RASD2: variants seen among roughly 807,000 people sequenced by gnomAD.
RASD2 encodes the protein RASD family member 2.
A neutral mutation model predicts 15.8 loss-of-function variants in RASD2; 7 were observed. The observed-to-expected ratio is 0.44, with a 90% CI of 0.25 to 0.83. The LOEUF is 0.83. Ranked by LOEUF, RASD2 falls within the 40% of genes least tolerant of loss-of-function variation. The probability of loss-of-function intolerance (pLI) is 0.20; values close to 1 mark genes in which losing one functional copy is unlikely to be tolerated. For synonymous variants in RASD2, 155 were observed against 153.6 expected (o/e 1.01, Z -0.07); for missense variants, 274 against 382.8 (o/e 0.72, Z 2.37).
chr22:35,548,776 T>G (rs1250556430), intron 2 of RASD2, among the ~76,000 whole-genome samples: 1 of 152,246 alleles, frequency 6.6e-6, no homozygotes, highest in Admixed American at 6.5e-5. Context: ...GAATCCTTGC[T>G]GGGCCTCTTG....
In RASD2 at chr22:35,551,418, C is replaced by G; in HGVS notation, c.272-85C>G. The G allele has an allele frequency of 7.0e-7, 1 of 1,423,374 alleles. No individual in the cohort carries two copies. 88.2% of individuals were successfully genotyped at this position (1,423,374 alleles called of 1,614,324 possible). A position where few individuals can be genotyped will look rare whatever the true frequency, so the allele number is the denominator to read the frequency against. ...GCTTCAGGGCACCTGTGACTCCCAG[C>G]TCTTAGGGCTGATGTTCTGTGGCCA... On this transcript the variant is annotated intron_variant, in intron 2 of 2. Transcript: ENST00000216127. The surrounding 1 kb of genome is among the most constrained non-coding windows in gnomAD (Gnocchi z 4.9).
At chr22:35,548,999 A>G (rs1018378446) in intron 2 of RASD2, among the ~76,000 whole-genome samples, 16 of 152,228 alleles carry the variant, frequency 1.1e-4, no homozygotes, top group Non-Finnish European at 2.1e-4. Context: ...AATAAGGCTA[A>G]TGACAGAGGG....
At chr22:35,543,345 G>C (rs1226296496) in intron 1 of RASD2, among the ~76,000 whole-genome samples, 3 of 152,196 alleles carry the variant, frequency 2.0e-5, no homozygotes, top group Admixed American at 1.3e-4. Context: ...GCCTCTCTGA[G>C]CCTCCTCTCT....
chr22:35,551,789 C>T lies in RASD2; in HGVS notation c.558C>T (p.Leu186=). The change falls in exon 3 of 3, where the codon CTC becomes CTT. Residue 186 remains leucine, a synonymous_variant. Coordinates refer to ENST00000216127, the MANE Select transcript of RASD2 (RefSeq NM_014310.4). The surrounding 1 kb of genome is among the most constrained non-coding windows in gnomAD (Gnocchi z 4.9). The stretch of plus-strand genomic sequence containing the variant: ...ACGTGGACGAGATGTTCTACGTGCT[C>T]TTCAGCATGGCCAAGCTGCCACACG... ...NTNVDEMFYV[L]FSMAKLPHEM... The T allele has an allele frequency of 6.2e-7, 1 of 1,614,122 alleles. No individual in the cohort carries two copies. Among genetic ancestry groups the T allele is most frequent in the Non-Finnish European group, 8.5e-7 (1 of 1,179,998 alleles).
At chr22:35,537,147 T>C (rs1208390164), upstream of RASD2, among the ~76,000 whole-genome samples, 1 of 152,182 alleles carries the variant, frequency 6.6e-6, no homozygotes, top group African/African-American at 2.4e-5. Context: ...CTGCCTGGTT[T>C]TGAACAGTCT....
chr22:35,544,844 T>C (rs1328066773), intron 1 of RASD2, among the ~76,000 whole-genome samples: 1 of 152,208 alleles, frequency 6.6e-6, no homozygotes, highest in Non-Finnish European at 1.5e-5. Context: ...CCACCTGCTT[T>C]CTGGGGTTAT....
intron 1 of RASD2, among the ~76,000 whole-genome samples, chr22:35,541,842 G>A (rs939427584): frequency 6.6e-6 from 1 of 152,174 alleles, no homozygotes; most frequent in Non-Finnish European, 1.5e-5. Context: ...GGAGGAAACG[G>A]GGGCTCAGGG....
At chr22:35,541,894 G>A (rs1351851222) in intron 1 of RASD2, among the ~76,000 whole-genome samples, 1 of 152,212 alleles carries the variant, frequency 6.6e-6, no homozygotes, top group African/African-American at 2.4e-5. Flanking sequence ...CCCTCTTCTG[G>A]AGCTGGCTGC....
rs112584741 is a variant in RASD2 at position 35,544,954 on chromosome 22, C to T, written c.-9-1847C>T. Among the ~76,000 whole-genome samples, 9 of 152,278 alleles carry T rather than the reference C, an allele frequency of 5.9e-5. No homozygotes were observed. In the South Asian group the frequency reaches 1.5e-3, roughly 25 times the overall value. On this transcript the variant is annotated intron_variant, in intron 1 of 2. Transcript: ENST00000216127. ...GCTATGATTATTTCTATACTTAGTG[C>T]GGGGCTTGGCACACTGCATGGGCTC...
intron 2 of RASD2, among the ~76,000 whole-genome samples, chr22:35,548,898 G>A (rs1012213872): frequency 2.0e-5 from 3 of 152,220 alleles, no homozygotes; most frequent in African/African-American, 4.8e-5. Flanking sequence ...CTGCAAGAAG[G>A]CTTGTGGCGG....
rs1182718904 is a variant in RASD2, at chr22:35,546,838, G to A, written c.29G>A (p.Cys10Tyr). 1 of 1,613,812 alleles carries A rather than the reference G, an allele frequency of 6.2e-7. No individual in the cohort carries two copies. The highest frequency in any genetic ancestry group is 1.7e-5 in the Admixed American group (1 of 60,006). ...ATGAAGACTTTGTCCAGCGGGAACT[G>A]CACGCTCAGTGTGCCCGCCAAAAAC... MMKTLSSGN[C>Y]TLSVPAKNSY... The change falls in exon 2 of 3, where the codon TGC becomes TAC. Residue 10 changes from cysteine (C) to tyrosine (Y), a missense_variant. Transcript: ENST00000216127.
rs752820118 is a variant in RASD2 at position 35,551,924 on chromosome 22, C to G, written c.693C>G (p.Val231=). ...RVKEMDAYGM[V]SPFARRPSVN... is the part of the protein sequence containing the mutation. The stretch of plus-strand genomic sequence containing the variant: ...AGGAGATGGACGCCTATGGCATGGT[C>G]TCGCCCTTCGCCCGCCGCCCCAGCG... Residue 231 remains valine, a synonymous_variant, in exon 3 of 3, where the codon GTC becomes GTG. Transcript: ENST00000216127. This position sits in a 1 kb window ranked among gnomAD's most constrained non-coding sequence, Gnocchi z 4.9. 6.2e-7 allele frequency: 1 copy of G among 1,610,346 alleles called. No homozygotes were observed. Among genetic ancestry groups the G allele is most frequent in the Admixed American group, 1.7e-5 (1 of 60,024 alleles).
the RASD2 span, among the ~76,000 whole-genome samples, chr22:35,534,898 G>A: frequency 1.3e-5 from 2 of 152,188 alleles, no homozygotes; most frequent in African/African-American, 4.8e-5. Flanking sequence ...AAACCAGCTT[G>A]GAAATGTAGA....
In RASD2 at chr22:35,545,759, C is replaced by A. The variant is rs113112776; in HGVS notation, c.-9-1042C>A. 3.0e-4 allele frequency among the ~76,000 whole-genome samples: 46 copies of A among 152,080 alleles called. No homozygotes were observed. In the East Asian group the frequency reaches 3.7e-3, roughly 12 times the overall value. ...GGTGGCATGAGCAAAGGAGTGGAGG[C>A]TGATCTCAGCAGAGCTCAAACTGAC... On this transcript the variant is annotated intron_variant, in intron 1 of 2. Coordinates refer to ENST00000216127, the MANE Select transcript of RASD2 (RefSeq NM_014310.4).
At chr22:35,550,440 C>CAAAAAAAAAA (rs397838574) in intron 2 of RASD2, among the ~76,000 whole-genome samples, 1 of 64,250 alleles carries the variant, frequency 1.6e-5, no homozygotes, top group South Asian at 7.4e-4. Context: ...GACTCCATCT[C>CAAAAAAAAAA]AAAAAAAAAA....
At chr22:35,545,830 C>T (rs1186408229) in intron 1 of RASD2, among the ~76,000 whole-genome samples, 3 of 151,736 alleles carry the variant, frequency 2.0e-5, no homozygotes, top group African/African-American at 4.8e-5. Flanking sequence ...TTCTGGTGGG[C>T]GCTAAGGTAG....
chr22:35,533,745 A>AT, the RASD2 span, among the ~76,000 whole-genome samples: 3 of 145,466 alleles, frequency 2.1e-5, no homozygotes, highest in Admixed American at 6.8e-5. Flanking sequence ...GATGATGGGG[A>AT]AGATGATGAC....
intron 1 of RASD2, among the ~76,000 whole-genome samples, chr22:35,542,585 C>A (rs1934380466): frequency 6.6e-6 from 1 of 152,228 alleles, no homozygotes; most frequent in Admixed American, 6.5e-5. Context: ...AGCTCCCGGA[C>A]TCTCAGAGTG....
intron 2 of RASD2, among the ~76,000 whole-genome samples, chr22:35,548,228 C>T (rs1471623739): frequency 6.6e-6 from 1 of 152,152 alleles, no homozygotes; most frequent in Non-Finnish European, 1.5e-5. Flanking sequence ...GCCCTGGTTC[C>T]GCTGCTTCCT....
Sources: allele counts gnomAD v4.1 joint callset (sites outside exome capture counted in the v4.1 genomes callset), GRCh38; gene constraint gnomAD v4.1.1; non-coding constraint Gnocchi (gnomAD v3.1); transcripts MANE v1.5; gene names NCBI Gene and HGNC (gene_info 2026-07-23, HGNC 2026-07-21).